Variants in SLAIN1 observed in about 807,000 individuals in gnomAD.
SLAIN1 encodes the protein SLAIN family member 1.
A neutral mutation model predicts 55.4 loss-of-function variants in SLAIN1; 17 were observed. The observed-to-expected ratio is 0.31, with a 90% confidence interval of 0.21 to 0.46. The LOEUF (loss-of-function observed/expected upper bound fraction) is 0.46, where lower values mean the gene tolerates loss of function less well. Among genes scored for constraint, SLAIN1 ranks in the 20% least tolerant of loss-of-function variants. SLAIN1 has a pLI of 1.00. For synonymous variants in SLAIN1, 348 were observed against 337.4 expected (o/e 1.03, Z -0.35); for missense variants, 682 against 785.1 (o/e 0.87, Z 1.57).
At chr13:77,731,068 C>G (rs1443814789) in intron 2 of SLAIN1, among the ~76,000 whole-genome samples, 1 of 151,962 alleles carries the variant, frequency 6.6e-6, no homozygotes, top group African/African-American at 2.4e-5. Context: ...AACAGGAGTT[C>G]TAGAAGCAGG....
intron 5 of SLAIN1, among the ~76,000 whole-genome samples, chr13:77,760,393 TG>T (rs1874920484): frequency 6.6e-6 from 1 of 152,232 alleles, no homozygotes; most frequent in Non-Finnish European, 1.5e-5. Context: ...TGTAATAAAC[TG>T]TTTGTACCTA....
chr13:77,740,212 C>T (rs1188716918), intron 2 of SLAIN1, among the ~76,000 whole-genome samples: 1 of 151,992 alleles, frequency 6.6e-6, no homozygotes, highest in African/African-American at 2.4e-5. Flanking sequence ...GAGAGTAACA[C>T]AGTTAAAATA....
At chr13:77,714,909 C>G (rs2091191608) in intron 1 of SLAIN1, among the ~76,000 whole-genome samples, 1 of 152,020 alleles carries the variant, frequency 6.6e-6, no homozygotes, top group African/African-American at 2.4e-5. Flanking sequence ...GATTAGTCAC[C>G]CAGACTGGAG....
rs542815284 is a variant in SLAIN1, at chr13:77,698,141, G to GC, written c.230dup (p.Leu78PhefsTer35). On this transcript the variant is annotated frameshift_variant, in exon 1 of 7. Coordinates refer to ENST00000418532, the MANE Select transcript of SLAIN1 (RefSeq NM_001242868.2). LOFTEE classifies it high-confidence loss of function. The surrounding 1 kb of genome is among the most constrained non-coding windows in gnomAD (Gnocchi z 4.1). ...CCGCGCCGCCCCCCGCTGGCCTGCA[G>GC]CCTTTGGGTCCTCGGAGCCCCCCGG... 1 allele frequency: 1,149,879 copies of GC among 1,149,904 alleles called. 574,927 individuals carry two copies. Among genetic ancestry groups the GC allele is most frequent in the Middle Eastern group, 1 (2,766 of 2,766 alleles). The allele number at this position is 1,149,904 out of a possible 1,614,324, so 71.2% of individuals were successfully genotyped here.
In SLAIN1 at chr13:77,697,921, C is replaced by T; in HGVS notation, c.8C>T (p.Ala3Val). Residue 3 changes from alanine to valine, a missense_variant, in exon 1 of 7, where the codon GCG (alanine) becomes GTG (valine). Coordinates refer to ENST00000418532, the MANE Select transcript of SLAIN1 (RefSeq NM_001242868.2). Reference protein sequence around the residue: MMAEQVKCASAGV... With the variant: MMVEQVKCASAGV... Reference sequence around the variant, plus strand: ...GCGCCCTCGGGGCCCACGATGATGGCGGAGCAGGTGAAATGCGCCTCGGCA... The same window carrying T: ...GCGCCCTCGGGGCCCACGATGATGGTGGAGCAGGTGAAATGCGCCTCGGCA... 1.4e-6 allele frequency: 2 copies of T among 1,406,846 alleles called. No homozygotes were observed. Among genetic ancestry groups the T allele is most frequent in the Non-Finnish European group, 9.3e-7 (1 of 1,070,580 alleles). The allele number at this position is 1,406,846 out of a possible 1,614,324, so 87.1% of individuals were successfully genotyped here. A position where few individuals can be genotyped will look rare whatever the true frequency, so the allele number is the denominator to read the frequency against.
intron 1 of SLAIN1, chr13:77,699,264 T>C (rs1398594248): frequency 1.1e-5 from 4 of 349,784 alleles, no homozygotes; most frequent in Non-Finnish European, 2.1e-5. Context: ...TTTTTTTACC[T>C]AGGAACCAAC....
chr13:77,700,126 G>C (rs1361170782), intron 1 of SLAIN1, among the ~76,000 whole-genome samples: 1 of 152,130 alleles, frequency 6.6e-6, no homozygotes, highest in Non-Finnish European at 1.5e-5. Context: ...TATGAGATTA[G>C]TAATCTATTA....
intron 1 of SLAIN1, among the ~76,000 whole-genome samples, chr13:77,701,276 A>AG (rs2091028150): frequency 2.0e-5 from 3 of 152,204 alleles, no homozygotes; most frequent in African/African-American, 7.2e-5. Flanking sequence ...TTACAAATGT[A>AG]GATTAATCAC....
At chr13:77,709,718 A>G (rs1038510291) in intron 1 of SLAIN1, among the ~76,000 whole-genome samples, 2 of 152,198 alleles carry the variant, frequency 1.3e-5, no homozygotes, top group Non-Finnish European at 2.9e-5. Context: ...AGATTTTGTC[A>G]CCTCCAGTCC....
intron 3 of SLAIN1, among the ~76,000 whole-genome samples, chr13:77,745,376 G>GT (rs747010067): frequency 2.3e-4 from 35 of 150,470 alleles, no homozygotes; most frequent in East Asian, 1.9e-3. Context: ...GTACAGTTTT[G>GT]TTTTTTTTTA....
Position 77,744,351 on chromosome 13 carries a change from T to G in SLAIN1, c.835T>G (p.Leu279Val). The change falls in exon 3 of 7, where the codon TTG becomes GTG. Residue 279 changes from leucine (L) to valine (V), a missense_variant. Around this residue, in one of 3 missense-constraint regions of SLAIN1, gnomAD observed 401 missense variants for 417.3 expected, o/e 0.96. Coordinates refer to ENST00000418532, the MANE Select transcript of SLAIN1 (RefSeq NM_001242868.2). ...SIDSELSTSELEDDSISMGYK... is the reference protein window; with the variant it reads ...SIDSELSTSEVEDDSISMGYK... ...CGACAGTGAGCTGAGTACTTCAGAA[T>G]TGGAGGATGATTCTATCTCCATGGG... 1 of 1,612,926 alleles carries G rather than the reference T, an allele frequency of 6.2e-7. No individual in the cohort carries two copies. Among genetic ancestry groups the G allele is most frequent in the Non-Finnish European group, 8.5e-7 (1 of 1,179,286 alleles).
intron 1 of SLAIN1, among the ~76,000 whole-genome samples, chr13:77,715,779 G>C (rs1164732465): frequency 1.3e-5 from 2 of 152,044 alleles, no homozygotes; most frequent in Non-Finnish European, 2.9e-5. Context: ...AAATTGAGTT[G>C]TTTGCTATTT....
rs1874988979 is a variant in SLAIN1 at position 77,761,123 on chromosome 13, A to G, written c.1697+13A>G. The G allele has an allele frequency of 6.2e-7, 1 of 1,612,506 alleles. No homozygotes were observed. The highest frequency in any genetic ancestry group is 8.5e-7 in the Non-Finnish European group (1 of 1,178,778). ...AACCTGTTAGAAGGTAAGAATGTGTATTTGCGTAACTTCATTTGCAGTTTG... is the reference window on the plus strand; with the variant it reads ...AACCTGTTAGAAGGTAAGAATGTGTGTTTGCGTAACTTCATTTGCAGTTTG... On this transcript the variant is annotated intron_variant, in intron 6 of 6. Transcript: ENST00000418532.
chr13:77,762,431 G>A (rs1029818932), intron 6 of SLAIN1, among the ~76,000 whole-genome samples: 6 of 151,914 alleles, frequency 3.9e-5, no homozygotes, highest in African/African-American at 1.5e-4. Flanking sequence ...ATTCTTTTTA[G>A]AGACAGGGTC....
At chr13:77,706,394 C>T (rs562609734) in intron 1 of SLAIN1, among the ~76,000 whole-genome samples, 19 of 152,260 alleles carry the variant, frequency 1.2e-4, no homozygotes, top group African/African-American at 4.3e-4. Context: ...CTTCTTCTCT[C>T]CTCTTCACTT....
chr13:77,701,376 A>G (rs2091028966), intron 1 of SLAIN1, among the ~76,000 whole-genome samples: 1 of 152,152 alleles, frequency 6.6e-6, no homozygotes, highest in East Asian at 1.9e-4. Context: ...AACTTGGACA[A>G]TATTTGGGTT....
chr13:77,705,252 C>T (rs2154409291), intron 1 of SLAIN1, among the ~76,000 whole-genome samples: 1 of 151,756 alleles, frequency 6.6e-6, no homozygotes, highest in African/African-American at 2.4e-5. Context: ...TATTTTTGTT[C>T]TCCCAGCATA....
chr13:77,701,014 T>G (rs1239005645), intron 1 of SLAIN1, among the ~76,000 whole-genome samples: 1 of 151,868 alleles, frequency 6.6e-6, no homozygotes, highest in Non-Finnish European at 1.5e-5. Flanking sequence ...TACACATCAG[T>G]TTTTTTTAAC....
intron 5 of SLAIN1, among the ~76,000 whole-genome samples, chr13:77,755,603 T>G (rs1874542734): frequency 6.6e-6 from 1 of 152,154 alleles, no homozygotes; most frequent in South Asian, 2.1e-4. Context: ...TTGGGGCAGT[T>G]TGAGCCACAG....
Sources: allele counts gnomAD v4.1 joint callset (sites outside exome capture counted in the v4.1 genomes callset), GRCh38; gene constraint gnomAD v4.1.1; regional missense constraint gnomAD v4.1.1; non-coding constraint Gnocchi (gnomAD v3.1); transcripts MANE v1.5; gene names NCBI Gene and HGNC (gene_info 2026-07-23, HGNC 2026-07-21).